The following ACAD11 variants were observed in gnomAD, a reference collection of about 807,000 sequenced individuals.
ACAD11 encodes acyl-Coenzyme A dehydrogenase family, member 11.
In ACAD11, 83 loss-of-function variants were observed where a neutral mutation model predicts 102.2. The ratio of observed to expected loss-of-function variants is 0.81; its 90% CI spans 0.68 to 0.97. The LOEUF (loss-of-function observed/expected upper bound fraction) is 0.97, where lower values mean the gene tolerates loss of function less well. Among genes scored for constraint, ACAD11 ranks in the 50% least tolerant of loss-of-function variants. The pLI is 0.00. For missense variants in ACAD11, 901 were observed against 951.7 expected (o/e 0.95, Z 0.70); for synonymous variants, 324 against 319.8 (o/e 1.01, Z -0.14).
chr3:132,608,124 G>A (rs1381972344), intron 11 of ACAD11, among the ~76,000 whole-genome samples: 1 of 152,118 alleles, frequency 6.6e-6, no homozygotes, highest in Non-Finnish European at 1.5e-5. Flanking sequence ...CCTGAAGGAG[G>A]CACTAAACAT....
At chr3:132,578,392 G>A (rs1254554037) in intron 15 of ACAD11, among the ~76,000 whole-genome samples, 1 of 152,114 alleles carries the variant, frequency 6.6e-6, no homozygotes, top group African/African-American at 2.4e-5. Context: ...AAAACTCATT[G>A]CTTTTTAACA....
Position 132,615,832 on chromosome 3 carries a change from G to T in ACAD11, c.1414+2802C>A, listed in dbSNP as rs921124652. On this transcript the variant is annotated intron_variant, in intron 11 of 19. Coordinates refer to ENST00000264990, the MANE Select transcript of ACAD11 (RefSeq NM_032169.5). ...ATATAAAACAAATACCAGCCCAAAG[G>T]CCCCCAAATTTTCCAGTAATAGCTT... Among the ~76,000 whole-genome samples the T allele has an allele frequency of 2.0e-5, 3 of 152,082 alleles. No individual in the cohort carries two copies. In the South Asian group the frequency reaches 6.2e-4, roughly 32 times the overall value.
chr3:132,621,433 C>T (rs1939604161), intron 9 of ACAD11: 1 of 152,162 alleles, frequency 6.6e-6, no homozygotes, highest in African/African-American at 2.4e-5. Flanking sequence ...GAGAAAATAA[C>T]TGTCATTGTA....
intron 1 of ACAD11, among the ~76,000 whole-genome samples, chr3:132,658,345 G>A (rs1937930983): frequency 6.6e-6 from 1 of 152,084 alleles, no homozygotes; most frequent in Non-Finnish European, 1.5e-5. Context: ...ATTTCTGGAA[G>A]CAATTTTTAT....
At chr3:132,608,273 A>G (rs547698108) in intron 11 of ACAD11, among the ~76,000 whole-genome samples, 1 of 152,306 alleles carries the variant, frequency 6.6e-6, no homozygotes, top group Admixed American at 6.5e-5. Context: ...CACATATAAC[A>G]ATATTAACCT....
At chr3:132,594,842 G>T (rs1184521166) in intron 13 of ACAD11, among the ~76,000 whole-genome samples, 2 of 152,188 alleles carry the variant, frequency 1.3e-5, no homozygotes, top group African/African-American at 4.8e-5. Context: ...TATGGAGGCT[G>T]CAGTTGCAGA....
intron 15 of ACAD11, 129 bp downstream of exon 15, chr3:132,578,667 G>T (rs9882187): frequency 1.0e-6 from 1 of 998,096 alleles, no homozygotes; most frequent in Non-Finnish European, 1.5e-6. Context: ...TTTATATTAA[G>T]ACAGTTGTCA....
chr3:132,572,486 T>C (rs1314936354), intron 17 of ACAD11, among the ~76,000 whole-genome samples: 1 of 152,204 alleles, frequency 6.6e-6, no homozygotes, highest in Admixed American at 6.5e-5. Flanking sequence ...ATTTATAGAT[T>C]TAATGCTATT....
At position 132,558,858 on chromosome 3, in the gene ACAD11, A is replaced by T. The variant is rs1478988583; in HGVS notation, c.*113T>A. On this transcript the variant is annotated 3_prime_UTR_variant, in exon 20 of 20. Coordinates refer to ENST00000264990, the MANE Select transcript of ACAD11 (RefSeq NM_032169.5). ...ATGCTATAATCTTTACCACAAATGA[A>T]TAATTAACCCTGTGCTCAAACTGCT... The T allele has an allele frequency of 2.7e-6, 2 of 729,496 alleles. No individual in the cohort carries two copies. Among genetic ancestry groups the T allele is most frequent in the Non-Finnish European group, 4.6e-6 (2 of 435,298 alleles). The allele number at this position is 729,496 out of a possible 1,614,324, so 45.2% of individuals were successfully genotyped here.
In ACAD11 at chr3:132,619,509, C is replaced by T. The variant is rs754609514; in HGVS notation, c.1234G>A (p.Val412Met). The change falls in exon 10 of 20, where the codon GTG (valine) becomes ATG (methionine). Residue 412 changes from valine to methionine, a missense_variant. Physicochemically the swap from Val to Met is conservative, Grantham distance 21. Coordinates refer to ENST00000264990, the MANE Select transcript of ACAD11 (RefSeq NM_032169.5). ...TEFYVQNENS[V>M]DKWGKPLVID... ...ACTAAAGGTTTTCCCCACTTGTCCACTGAATTTTCATTTTGAACATAGAAC... is the reference window on the plus strand; with the variant it reads ...ACTAAAGGTTTTCCCCACTTGTCCATTGAATTTTCATTTTGAACATAGAAC... 4 of 1,592,956 alleles carry T rather than the reference C, an allele frequency of 2.5e-6. No homozygotes were observed. Among genetic ancestry groups the T allele is most frequent in the Non-Finnish European group, 3.4e-6 (4 of 1,171,738 alleles).
chr3:132,648,124 A>T (rs1559977560), intron 1 of ACAD11, among the ~76,000 whole-genome samples: 1 of 152,166 alleles, frequency 6.6e-6, no homozygotes, highest in Admixed American at 6.5e-5. Context: ...TACAGAAGCC[A>T]TTATCTGTAG....
chr3:132,656,176 T>G (rs1443552615), intron 1 of ACAD11, among the ~76,000 whole-genome samples: 1 of 152,242 alleles, frequency 6.6e-6, no homozygotes. Context: ...ATTTTCACTG[T>G]TGTATGCTAC....
At position 132,605,140 on chromosome 3, in the gene ACAD11, G is replaced by A. The variant is rs1194755235; in HGVS notation, c.1480C>T (p.Pro494Ser). Reference protein sequence around the residue: ...SEEQKKQWLEPLLQGNITSCF... With the variant: ...SEEQKKQWLESLLQGNITSCF... The stretch of plus-strand genomic sequence containing the variant: ...GAGGTAATGTTCCCTTGAAGAAGAG[G>A]CTCAAGCCACTGTTTCTTCTGTTCC... Residue 494 changes from proline to serine, a missense_variant, in exon 12 of 20, where the codon CCT becomes TCT. By Grantham distance (74) the Pro-to-Ser change is moderately conservative (BLOSUM62 -1). Coordinates refer to ENST00000264990, the MANE Select transcript of ACAD11 (RefSeq NM_032169.5). 1.9e-6 allele frequency: 3 copies of A among 1,613,638 alleles called. No homozygotes were observed. Among genetic ancestry groups the A allele is most frequent in the South Asian group, 2.2e-5 (2 of 91,064 alleles).
chr3:132,570,568 C>T (rs200800160), intron 17 of ACAD11, among the ~76,000 whole-genome samples: 5 of 152,006 alleles, frequency 3.3e-5, no homozygotes, highest in East Asian at 3.9e-4. Context: ...TAGATAAACT[C>T]GTGCCATGGG....
intron 13 of ACAD11, among the ~76,000 whole-genome samples, chr3:132,598,947 T>C (rs971676994): frequency 2.0e-4 from 31 of 152,076 alleles, no homozygotes; most frequent in African/African-American, 7.5e-4. Flanking sequence ...GATCAAATAC[T>C]CTGGTGGAAG....
At chr3:132,650,962 C>A (rs1044913561) in intron 1 of ACAD11, among the ~76,000 whole-genome samples, 4 of 152,206 alleles carry the variant, frequency 2.6e-5, no homozygotes, top group Admixed American at 6.5e-5. Flanking sequence ...TTCCACTGTG[C>A]CCCTGGAACT....
chr3:132,655,333 G>T (rs57439039), intron 1 of ACAD11, among the ~76,000 whole-genome samples: 56,110 of 151,444 alleles, frequency 0.37, 12,921 homozygotes, highest in East Asian at 0.71. Flanking sequence ...TTGTTTGTTT[G>T]TTTAAAGATT....
chr3:132,628,557 G>C, intron 7 of ACAD11, 111 bp from the exon 8 acceptor site: 1 of 688,258 alleles, frequency 1.5e-6, no homozygotes, highest in Non-Finnish European at 2.4e-6. Flanking sequence ...AGGGTATGAA[G>C]ACGTAAAACA....
intron 17 of ACAD11, among the ~76,000 whole-genome samples, chr3:132,569,603 T>C (rs1937319422): frequency 2.0e-5 from 3 of 152,178 alleles, no homozygotes; most frequent in African/African-American, 4.8e-5. Context: ...TTAAACAAAC[T>C]GTAGTATATC....
Sources: gnomAD v4.1 joint callset for allele counts (sites outside exome capture counted in the v4.1 genomes callset) on GRCh38, gnomAD v4.1.1 for gene constraint, MANE v1.5 for transcripts, NCBI Gene and HGNC (gene_info 2026-07-23, HGNC 2026-07-21) for gene names.